TALDO1: variants seen among roughly 807,000 people sequenced by gnomAD.
TALDO1 encodes the protein transaldolase 1.
A neutral mutation model predicts 38.1 loss-of-function variants in TALDO1; 29 were observed. The observed-to-expected ratio is 0.76, with a 90% CI of 0.57 to 1.04. The LOEUF (loss-of-function observed/expected upper bound fraction) is 1.04, where lower values mean the gene tolerates loss of function less well. Ranked by LOEUF, TALDO1 falls within the 50% of genes least tolerant of loss-of-function variation. The pLI, the probability that TALDO1 is intolerant of heterozygous loss-of-function variation, is 0.00. For missense variants in TALDO1, 499 were observed against 438.1 expected (o/e 1.14, Z -1.24); for synonymous variants, 207 against 176.8 (o/e 1.17, Z -1.36).
intron 1 of TALDO1, chr11:755,673 G>A (rs1862823428): frequency 1.5e-6 from 1 of 668,756 alleles, no homozygotes; most frequent in Non-Finnish European, 2.6e-6. Flanking sequence ...GGCACTTAGT[G>A]TTTGTTGTTC....
Position 755,981 on chromosome 11 carries a change from C to T in TALDO1, c.200C>T (p.Ala67Val). 6.2e-7 allele frequency: 1 copy of T among 1,613,542 alleles called. No homozygotes were observed. Among genetic ancestry groups the T allele is most frequent in the Non-Finnish European group, 8.5e-7 (1 of 1,179,870 alleles). Residue 67 changes from alanine (A) to valine (V), a missense_variant, in exon 2 of 8, where the codon GCC (alanine) becomes GTC (valine). Physicochemically the swap from Ala to Val is moderately conservative, Grantham distance 64. Coordinates refer to ENST00000319006, the MANE Select transcript of TALDO1 (RefSeq NM_006755.2). ...AYQELVEEAI[A>V]YGRKLGGSQE... ...CAGGAGCTGGTGGAGGAGGCGATTG[C>T]CTATGGCCGGAAGCTGGGCGGGTGA...
At chr11:758,502 T>TA (rs1314281840) in intron 2 of TALDO1, among the ~76,000 whole-genome samples, 2 of 150,730 alleles carry the variant, frequency 1.3e-5, no homozygotes, top group Non-Finnish European at 3.0e-5. Context: ...TTGGCCACAA[T>TA]AAAAAAATGT....
chr11:764,278 T>C lies in TALDO1; in HGVS notation c.836-10T>C. The C allele has an allele frequency of 6.2e-7, 1 of 1,614,114 alleles. No individual in the cohort carries two copies. Among genetic ancestry groups the C allele is most frequent in the Non-Finnish European group, 8.5e-7 (1 of 1,180,030 alleles). On this transcript the variant is annotated splice_polypyrimidine_tract_variant and intron_variant, in intron 6 of 7. Transcript: ENST00000319006. Reference sequence around the variant, plus strand: ...GGAGCAGGCATGGAAGGCTGGTTCTTGTCCCCCAGCCCAAGCCAGTGACCT... The same window carrying C: ...GGAGCAGGCATGGAAGGCTGGTTCTCGTCCCCCAGCCCAAGCCAGTGACCT...
chr11:758,810 T>C (rs1862885015), intron 2 of TALDO1, 140 bp from the exon 3 acceptor site: 1 of 601,906 alleles, frequency 1.7e-6, no homozygotes, highest in Non-Finnish European at 3.2e-6. Context: ...TTTCACCGTG[T>C]TAGCCAGGAT....
intron 1 of TALDO1, among the ~76,000 whole-genome samples, chr11:755,433 C>T (rs758230729): frequency 3.3e-5 from 5 of 152,122 alleles, no homozygotes; most frequent in Non-Finnish European, 7.4e-5. Flanking sequence ...CGTGGGCCGC[C>T]GCGCCCAGCT....
rs764703431 is a variant in TALDO1, at chr11:760,142, C to G, written c.350C>G (p.Ala117Gly). 2 of 1,614,064 alleles carry G rather than the reference C, an allele frequency of 1.2e-6. No homozygotes were observed. Among genetic ancestry groups the G allele is most frequent in the East Asian group, 4.5e-5 (2 of 44,876 alleles). Reference protein sequence around the residue: ...VDARLSFDKDAMVARARRLIE... With the variant: ...VDARLSFDKDGMVARARRLIE... ...TACAGGCTCTCCTTTGATAAAGATG[C>G]GATGGTGGCCAGAGCCAGGCGGCTC... The change falls in exon 4 of 8, where the codon GCG (alanine) becomes GGG (glycine). Residue 117 changes from alanine (A) to glycine (G), a missense_variant. Physicochemically the swap from Ala to Gly is moderately conservative, Grantham distance 60 (BLOSUM62 0). Transcript: ENST00000319006.
At chr11:747,666 G>C in intron 1 of TALDO1, 88 bp downstream of exon 1, 1 of 1,211,856 alleles carries the variant, frequency 8.3e-7, no homozygotes, top group Non-Finnish European at 1.1e-6. Flanking sequence ...GTTCCGGGAC[G>C]CGGACCGGGT....
Position 764,345 on chromosome 11 carries a change from A to C in TALDO1, c.893A>C (p.His298Pro), listed in dbSNP as rs763487428. ...HLDEKSFRWLHNEDQMAVEKL... is the reference protein window; with the variant it reads ...HLDEKSFRWLPNEDQMAVEKL... ...GATGAGAAGTCTTTCCGTTGGTTGC[A>C]CAACGAGGACCAGATGGCTGTGGAG... Residue 298 changes from histidine to proline, a missense_variant, in exon 7 of 8, where the codon CAC (histidine) becomes CCC (proline). His to Pro is a moderately conservative substitution (Grantham distance 77). Transcript: ENST00000319006. The C allele has an allele frequency of 6.2e-7, 1 of 1,614,232 alleles. No homozygotes were observed. Among genetic ancestry groups the C allele is most frequent in the East Asian group, 2.2e-5 (1 of 44,884 alleles).
At chr11:759,719 A>G (rs1862899671) in intron 3 of TALDO1, among the ~76,000 whole-genome samples, 1 of 152,132 alleles carries the variant, frequency 6.6e-6, no homozygotes, top group African/African-American at 2.4e-5. Flanking sequence ...AGCTGGGACT[A>G]CAGACACCCG....
At chr11:756,061 T>C in intron 2 of TALDO1, 59 bp downstream of exon 2, 1 of 1,574,998 alleles carries the variant, frequency 6.3e-7, no homozygotes, top group Non-Finnish European at 8.6e-7. Context: ...TAGTTGGCCT[T>C]GCTTCCCTCC....
In TALDO1 at chr11:747,503, C is replaced by T; in HGVS notation, c.22C>T (p.Arg8Cys). The change falls in exon 1 of 8, where the codon CGT becomes TGT. Residue 8 changes from arginine (R) to cysteine (C), a missense_variant. Transcript: ENST00000319006. ...TGCTATGTCGAGCTCACCCGTGAAG[C>T]GTCAGAGGATGGAGTCCGCGCTGGA... MSSSPVK[R>C]QRMESALDQL... 2 of 1,600,052 alleles carry T rather than the reference C, an allele frequency of 1.2e-6. No individual in the cohort carries two copies. The highest frequency in any genetic ancestry group is 2.3e-5 in the East Asian group (1 of 43,570).
At chr11:759,919 T>A (rs1474834494) in intron 3 of TALDO1, among the ~76,000 whole-genome samples, 6 of 152,176 alleles carry the variant, frequency 3.9e-5, no homozygotes, top group Admixed American at 1.3e-4. Context: ...TGGATCCCAC[T>A]GAGGACCTCT....
chr11:751,565 G>C (rs1037582907), intron 1 of TALDO1, among the ~76,000 whole-genome samples: 1 of 152,112 alleles, frequency 6.6e-6, no homozygotes, highest in Admixed American at 6.6e-5. Context: ...AGGCCGAGGA[G>C]GGTGGATCAC....
chr11:760,041 G>GCAGA (rs1862903194), intron 3 of TALDO1, 81 bp from the exon 4 acceptor site: 8 of 1,597,604 alleles, frequency 5.0e-6, no homozygotes, highest in Non-Finnish European at 6.8e-6. Flanking sequence ...AAACTGACAG[G>GCAGA]CAGACACCCG....
chr11:760,174 C>G lies in TALDO1; in HGVS notation c.382C>G (p.Leu128Val). Residue 128 changes from leucine (L) to valine (V), a missense_variant, in exon 4 of 8, where the codon CTC (leucine) becomes GTC (valine). Coordinates refer to ENST00000319006, the MANE Select transcript of TALDO1 (RefSeq NM_006755.2). ...MVARARRLIE[L>V]YKEAGISKDR... Reference sequence around the variant, plus strand: ...GGCCAGAGCCAGGCGGCTCATCGAGCTCTACAAGGAAGCTGGGATCAGCAA... The same window carrying G: ...GGCCAGAGCCAGGCGGCTCATCGAGGTCTACAAGGAAGCTGGGATCAGCAA... 6.2e-7 allele frequency: 1 copy of G among 1,613,984 alleles called. No homozygotes were observed. Among genetic ancestry groups the G allele is most frequent in the Non-Finnish European group, 8.5e-7 (1 of 1,179,994 alleles).
At chr11:756,280 C>T (rs908840233) in intron 2 of TALDO1, 1 of 463,788 alleles carries the variant, frequency 2.2e-6, no homozygotes, top group Non-Finnish European at 4.0e-6. Context: ...CCACAGGCCC[C>T]TCCTCCCCTC....
chr11:753,417 G>A (rs1172098635), intron 1 of TALDO1, among the ~76,000 whole-genome samples: 2 of 152,148 alleles, frequency 1.3e-5, no homozygotes, highest in South Asian at 2.1e-4. Context: ...TGTAGTCCCA[G>A]CTACTCGGGA....
chr11:761,728 G>A (rs1862927286), intron 4 of TALDO1, among the ~76,000 whole-genome samples: 1 of 152,112 alleles, frequency 6.6e-6, no homozygotes, highest in Admixed American at 6.6e-5. Context: ...ACCACGGCTG[G>A]AGTGCAGTGG....
At chr11:755,654 T>C in intron 1 of TALDO1, 1 of 599,862 alleles carries the variant, frequency 1.7e-6, no homozygotes, top group Non-Finnish European at 3.0e-6. Flanking sequence ...GGGGCATATT[T>C]GATCGCTGGG....
Sources: allele counts gnomAD v4.1 joint callset (sites outside exome capture counted in the v4.1 genomes callset), GRCh38; gene constraint gnomAD v4.1.1; transcripts MANE v1.5; gene names NCBI Gene and HGNC (gene_info 2026-07-23, HGNC 2026-07-21).